The following LIMK1 variants were observed in gnomAD, a reference collection of about 807,000 sequenced individuals.
The protein encoded by LIMK1 is LIM domain kinase 1.
In LIMK1, 21 loss-of-function variants were observed where a neutral mutation model predicts 77.6. The observed-to-expected ratio is 0.27, with a 90% CI of 0.19 to 0.39. The LOEUF (loss-of-function observed/expected upper bound fraction) is 0.39, where lower values mean the gene tolerates loss of function less well. Ranked by LOEUF, LIMK1 falls within the 10% of genes least tolerant of loss-of-function variation. The pLI is 1.00. For synonymous variants in LIMK1, 358 were observed against 370.0 expected (o/e 0.97, Z 0.37); for missense variants, 696 against 901.6 (o/e 0.77, Z 2.92).
At chr7:74,112,854 T>C (rs539920537) in intron 12 of LIMK1, among the ~76,000 whole-genome samples, 2 of 150,890 alleles carry the variant, frequency 1.3e-5, no homozygotes, top group Non-Finnish European at 2.9e-5. Context: ...TTTAGGTGGA[T>C]ATTTAAGCAG....
chr7:74,099,416 TA>T lies in LIMK1; in HGVS notation c.608+179del, dbSNP rs547799141. On this transcript the variant is annotated intron_variant, in intron 5 of 15. Transcript: ENST00000336180. ...GCCCAGTCATTCCTCTGAATACCAT[TA>T]CAAATGCCAGATACAATAAAAAGAC... Among the ~76,000 whole-genome samples, 507 of 152,276 alleles carry T rather than the reference TA, an allele frequency of 3.3e-3. 1 individual carries two copies. Among genetic ancestry groups the T allele is most frequent in the Non-Finnish European group, 5.1e-3 (346 of 68,030 alleles).
chr7:74,100,309 T>TG (rs1368849685), intron 5 of LIMK1, among the ~76,000 whole-genome samples: 13 of 152,324 alleles, frequency 8.5e-5, no homozygotes, highest in African/African-American at 3.1e-4. Context: ...CTCTAGGCTT[T>TG]GGGGGTCTGT....
At chr7:74,084,081 A>C in intron 1 of LIMK1, 36 bp downstream of exon 1, 1 of 1,261,704 alleles carries the variant, frequency 7.9e-7, no homozygotes, top group Non-Finnish European at 1.1e-6. Context: ...GAGGGCCTGG[A>C]GGGGGTGCCC....
intron 5 of LIMK1, 45 bp from the exon 6 acceptor site, chr7:74,105,830 C>T: frequency 6.8e-7 from 1 of 1,469,478 alleles, no homozygotes; most frequent in South Asian, 1.1e-5. Context: ...TGTTGGGGCT[C>T]TGAGGGACAG....
Position 74,107,060 on chromosome 7 carries a change from C to T in LIMK1, c.932C>T (p.Pro311Leu), listed in dbSNP as rs782037598. ...CCGGGCGCTGGCTCACTGGGCTCCC[C>T]GGCCTCCCAGCGCAAGGACCTGGGT... is the stretch of plus-strand genomic sequence containing the variant. ...RSPGAGSLGS[P>L]ASQRKDLGRS... Residue 311 changes from proline (P) to leucine (L), a missense_variant, in exon 8 of 16, where the codon CCG becomes CTG. By Grantham distance (98) the Pro-to-Leu change is moderately conservative. Coordinates refer to ENST00000336180, the MANE Select transcript of LIMK1 (RefSeq NM_002314.4). 6.2e-6 allele frequency: 10 copies of T among 1,604,810 alleles called. No individual in the cohort carries two copies. Among genetic ancestry groups the T allele is most frequent in the African/African-American group, 2.7e-5 (2 of 74,762 alleles).
intron 2 of LIMK1, among the ~76,000 whole-genome samples, chr7:74,089,410 G>A (rs782769567): frequency 1.1e-4 from 16 of 152,158 alleles, no homozygotes; most frequent in Non-Finnish European, 2.1e-4. Flanking sequence ...GCTGACATGG[G>A]AGGGTTGCTT....
intron 10 of LIMK1, 100 bp from the exon 11 acceptor site, chr7:74,111,548 C>T (rs1799698720): frequency 1.1e-6 from 1 of 948,072 alleles, no homozygotes; most frequent in Admixed American, 2.0e-5. Flanking sequence ...GCCCAGGGAC[C>T]CTCTAGGACG....
intron 5 of LIMK1, among the ~76,000 whole-genome samples, chr7:74,105,136 T>C (rs1799541640): frequency 6.6e-6 from 1 of 152,146 alleles, no homozygotes; most frequent in Admixed American, 6.5e-5. Context: ...GTATTTTCAG[T>C]AGAGACGGCG....
At chr7:74,101,692 T>G (rs1333345227) in intron 5 of LIMK1, among the ~76,000 whole-genome samples, 1 of 152,152 alleles carries the variant, frequency 6.6e-6, no homozygotes, top group Non-Finnish European at 1.5e-5. Context: ...CCGCTTTTCA[T>G]TTTGTGTATA....
chr7:74,102,392 A>T (rs1375375526), intron 5 of LIMK1, among the ~76,000 whole-genome samples: 20 of 150,614 alleles, frequency 1.3e-4, no homozygotes, highest in African/African-American at 4.9e-4. Context: ...ATACATGTAC[A>T]TGTTGTTATT....
chr7:74,107,441 A>G (rs1200589037), intron 8 of LIMK1, among the ~76,000 whole-genome samples: 1 of 152,142 alleles, frequency 6.6e-6, no homozygotes, highest in Non-Finnish European at 1.5e-5. Flanking sequence ...TATCCCTGTA[A>G]TCCCAGCACC....
intron 13 of LIMK1, 123 bp downstream of exon 13, chr7:74,116,081 G>A (rs1554699412): frequency 2.0e-6 from 2 of 1,018,906 alleles, no homozygotes; most frequent in Non-Finnish European, 2.9e-6. Flanking sequence ...TACCCTGTGG[G>A]TCCTGTTGCT....
chr7:74,098,180 A>G (rs1435538638), intron 4 of LIMK1, among the ~76,000 whole-genome samples: 1 of 152,018 alleles, frequency 6.6e-6, no homozygotes, highest in Non-Finnish European at 1.5e-5. Flanking sequence ...GAAAGCTGCA[A>G]CCCTCTTCAA....
chr7:74,120,648 G>C lies in LIMK1; in HGVS notation c.1623+10G>C. 1 of 1,614,182 alleles carries C rather than the reference G, an allele frequency of 6.2e-7. No homozygotes were observed. The highest frequency in any genetic ancestry group is 1.7e-5 in the Admixed American group (1 of 60,016). ...GATCGTCCTGTGCGAGGTAGGTCCA[G>C]GGTTGGGTAGCAGCGGTGTTGAGGC... On this transcript the variant is annotated intron_variant, in intron 14 of 15. Coordinates refer to ENST00000336180, the MANE Select transcript of LIMK1 (RefSeq NM_002314.4).
At chr7:74,118,390 A>ACG (rs1554699982) in intron 13 of LIMK1, among the ~76,000 whole-genome samples, 3 of 140,822 alleles carry the variant, frequency 2.1e-5, no homozygotes, top group Admixed American at 7.0e-5. Flanking sequence ...ACACACACAC[A>ACG]CACACACACA....
intron 10 of LIMK1, chr7:74,109,811 A>G (rs150864): frequency 0.71 from 107,798 of 152,354 alleles, 39,145 homozygotes; most frequent in Middle Eastern, 0.86. Context: ...GCACCACTGC[A>G]CTCTAGCCTG....
At chr7:74,106,406 G>T (rs1799575417) in intron 7 of LIMK1, among the ~76,000 whole-genome samples, 163 bp downstream of exon 7, 1 of 152,144 alleles carries the variant, frequency 6.6e-6, no homozygotes, top group Non-Finnish European at 1.5e-5. Flanking sequence ...CTGCTCTCCA[G>T]CTTGGGTGAC....
intron 5 of LIMK1, among the ~76,000 whole-genome samples, chr7:74,100,712 C>A (rs561368297): frequency 6.6e-6 from 1 of 151,036 alleles, no homozygotes; most frequent in Non-Finnish European, 1.5e-5. Context: ...CCACCGTGCC[C>A]GGCCCAAGTG....
Position 74,122,320 on chromosome 7 carries a change from G to A in LIMK1, c.*1019G>A, listed in dbSNP as rs1036431409. The A allele has an allele frequency of 1.3e-5, 2 of 152,230 alleles. No homozygotes were observed. The highest frequency in any genetic ancestry group is 2.4e-5 in the African/African-American group (1 of 41,350). The allele number at this position is 152,230 out of a possible 1,614,324, so 9.4% of individuals were successfully genotyped here. ...CGGGCGGGGGTGGGAGGGCCATTTT[G>A]TCACTTTGCCTCAGTTGAGCATCTA... On this transcript the variant is annotated 3_prime_UTR_variant, in exon 16 of 16. Coordinates refer to ENST00000336180, the MANE Select transcript of LIMK1 (RefSeq NM_002314.4).
Sources: allele counts gnomAD v4.1 joint callset (sites outside exome capture counted in the v4.1 genomes callset), GRCh38; gene constraint gnomAD v4.1.1; transcripts MANE v1.5; gene names NCBI Gene and HGNC (gene_info 2026-07-23, HGNC 2026-07-21).